Variants in ZMIZ1 observed in about 807,000 individuals in gnomAD.
ZMIZ1 encodes zinc finger MIZ domain-containing protein 1.
In ZMIZ1, 17 loss-of-function variants were observed where a neutral mutation model predicts 113.9. That is an observed-to-expected ratio of 0.15 (90% confidence interval 0.10 to 0.22). The LOEUF (loss-of-function observed/expected upper bound fraction) is 0.22, where lower values mean the gene tolerates loss of function less well. Among genes scored for constraint, ZMIZ1 ranks in the 10% least tolerant of loss-of-function variants. The probability of loss-of-function intolerance (pLI) is 1.00; values close to 1 mark genes in which losing one functional copy is unlikely to be tolerated. For synonymous variants in ZMIZ1, 607 were observed against 603.1 expected (o/e 1.01, Z -0.09); for missense variants, 1,059 against 1,477.8 (o/e 0.72, Z 4.65).
intron 1 of ZMIZ1, among the ~76,000 whole-genome samples, chr10:79,096,567 C>T (rs1288783327): frequency 1.3e-5 from 2 of 152,102 alleles, no homozygotes; most frequent in African/African-American, 2.4e-5. Flanking sequence ...ACCTCCAGCA[C>T]GTGGAGGTGA....
At chr10:79,144,976 C>T (rs896682714) in intron 3 of ZMIZ1, among the ~76,000 whole-genome samples, 5 of 151,956 alleles carry the variant, frequency 3.3e-5, no homozygotes, top group Admixed American at 6.6e-5. Flanking sequence ...TTTCCCACCT[C>T]CTCGCCATCC....
intron 4 of ZMIZ1, among the ~76,000 whole-genome samples, chr10:79,197,297 G>A (rs1413949022): frequency 3.3e-5 from 5 of 152,174 alleles, no homozygotes; most frequent in African/African-American, 9.7e-5. Context: ...CTTCACTGCC[G>A]CATGGGTATC....
At chr10:79,160,147 A>T (rs1846052033) in intron 3 of ZMIZ1, among the ~76,000 whole-genome samples, 1 of 152,232 alleles carries the variant, frequency 6.6e-6, no homozygotes, top group Admixed American at 6.5e-5. Context: ...GACTCACTGC[A>T]TGACCCCAGA....
chr10:79,279,220 G>A (rs189026229), intron 8 of ZMIZ1, among the ~76,000 whole-genome samples: 62 of 151,776 alleles, frequency 4.1e-4, no homozygotes, highest in African/African-American at 1.1e-3. Flanking sequence ...GGCGGCTGCC[G>A]GGCGGTGGGG....
chr10:79,176,763 G>A (rs966686591), intron 4 of ZMIZ1, among the ~76,000 whole-genome samples: 4 of 152,178 alleles, frequency 2.6e-5, no homozygotes, highest in East Asian at 1.9e-4. Context: ...CATCAACCCC[G>A]TTGGGAATTT....
At chr10:79,279,649 G>T (rs1852575182) in intron 8 of ZMIZ1, among the ~76,000 whole-genome samples, 2 of 152,208 alleles carry the variant, frequency 1.3e-5, no homozygotes. Context: ...CCGAGATCAC[G>T]CCACTGCACT....
chr10:79,084,565 T>C (rs1048200679), intron 1 of ZMIZ1, among the ~76,000 whole-genome samples: 4 of 152,170 alleles, frequency 2.6e-5, no homozygotes, highest in Non-Finnish European at 5.9e-5. Context: ...ACAGGCTCTT[T>C]CCCATCCCTG....
intron 1 of ZMIZ1, among the ~76,000 whole-genome samples, chr10:79,071,396 T>C (rs1218055082): frequency 6.6e-6 from 1 of 152,146 alleles, no homozygotes; most frequent in African/African-American, 2.4e-5. Flanking sequence ...CTTATTACTG[T>C]TTTTGAAGGT....
intron 2 of ZMIZ1, among the ~76,000 whole-genome samples, chr10:79,124,864 C>T (rs1271632981): frequency 6.6e-6 from 1 of 152,204 alleles, no homozygotes; most frequent in African/African-American, 2.4e-5. Flanking sequence ...GCCTTGAATG[C>T]TAGGCCACAG....
At chr10:79,293,799 C>A in intron 12 of ZMIZ1, 146 bp downstream of exon 12, 1 of 1,270,494 alleles carries the variant, frequency 7.9e-7, no homozygotes, top group Admixed American at 1.9e-5. Flanking sequence ...TCAGGTGCTC[C>A]TGGGTTTGAG....
In ZMIZ1 at chr10:79,269,667, C is replaced by A. The variant is rs551968513; in HGVS notation, c.281-7514C>A. ...TGGCCTTTCATCCCTCCCAGCCTCC[C>A]CCTGCACCCCACTGCTGCTGTCATC... On this transcript the variant is annotated intron_variant, in intron 7 of 24. Transcript: ENST00000334512. 2.0e-5 allele frequency among the ~76,000 whole-genome samples: 3 copies of A among 152,246 alleles called. No individual in the cohort carries two copies. The East Asian group carries it at 5.8e-4, about 29-fold the overall frequency.
chr10:79,130,421 T>C (rs1277526507), intron 2 of ZMIZ1, among the ~76,000 whole-genome samples: 1 of 152,180 alleles, frequency 6.6e-6, no homozygotes, highest in Non-Finnish European at 1.5e-5. Context: ...CTACCCAGTA[T>C]ACAGGGCTGA....
intron 7 of ZMIZ1, among the ~76,000 whole-genome samples, chr10:79,234,357 T>C (rs969535720): frequency 2.7e-4 from 41 of 152,166 alleles, no homozygotes; most frequent in Admixed American, 2.0e-4. Context: ...CATGGCTGTT[T>C]TATGCTTGAC....
intron 7 of ZMIZ1, among the ~76,000 whole-genome samples, chr10:79,222,207 T>G (rs2132738349): frequency 6.6e-6 from 1 of 152,294 alleles, no homozygotes; most frequent in South Asian, 2.1e-4. Context: ...TGCATACAAG[T>G]TGCCAGCATT....
rs957309316 is a variant in ZMIZ1, at chr10:79,315,819, T to C, written c.*3070T>C. 6.5e-6 allele frequency: 1 copy of C among 152,708 alleles called. No individual in the cohort carries two copies. Among genetic ancestry groups the C allele is most frequent in the Admixed American group, 6.5e-5 (1 of 15,284 alleles). The allele number at this position is 152,708 out of a possible 1,614,324, so 9.5% of individuals were successfully genotyped here. Reference sequence around the variant, plus strand: ...TGTCAACAGATGCATTCATTTCTCTTGGAATGTGTATTGTTTTTATTTTGC... The same window carrying C: ...TGTCAACAGATGCATTCATTTCTCTCGGAATGTGTATTGTTTTTATTTTGC... On this transcript the variant is annotated 3_prime_UTR_variant, in exon 25 of 25. Coordinates refer to ENST00000334512, the MANE Select transcript of ZMIZ1 (RefSeq NM_020338.4).
intron 1 of ZMIZ1, among the ~76,000 whole-genome samples, chr10:79,109,377 C>G (rs904121098): frequency 3.9e-5 from 6 of 152,146 alleles, no homozygotes; most frequent in Non-Finnish European, 7.4e-5. Flanking sequence ...ACCCGGTGCC[C>G]AGCGTGGCTG....
At chr10:79,167,583 A>G (rs542043211) in intron 4 of ZMIZ1, among the ~76,000 whole-genome samples, 1 of 152,306 alleles carries the variant, frequency 6.6e-6, no homozygotes, top group African/African-American at 2.4e-5. Flanking sequence ...TGAACCTGAA[A>G]TGAATAGAGG....
intron 7 of ZMIZ1, among the ~76,000 whole-genome samples, chr10:79,223,478 G>A (rs1227726421): frequency 1.3e-5 from 2 of 152,226 alleles, no homozygotes; most frequent in Admixed American, 1.3e-4. Flanking sequence ...CTGCTGGGCT[G>A]TCTCCACCGC....
chr10:79,192,849 C>T (rs536072188), intron 4 of ZMIZ1, among the ~76,000 whole-genome samples: 2 of 152,178 alleles, frequency 1.3e-5, no homozygotes, highest in African/African-American at 2.4e-5. Flanking sequence ...CACGCTGGCC[C>T]GAGGGCCTGC....
Sources: gnomAD v4.1 joint callset for allele counts (sites outside exome capture counted in the v4.1 genomes callset) on GRCh38, gnomAD v4.1.1 for gene constraint, MANE v1.5 for transcripts, NCBI Gene and HGNC (gene_info 2026-07-23, HGNC 2026-07-21) for gene names.